Variants in RUBCN observed in about 807,000 individuals in gnomAD.
RUBCN encodes rubicon autophagy regulator.
In RUBCN, 74 loss-of-function variants were observed where a neutral mutation model predicts 113.2. The ratio of observed to expected loss-of-function variants is 0.65; its 90% CI spans 0.54 to 0.79. RUBCN has a LOEUF of 0.79. Among genes scored for constraint, RUBCN ranks in the 30% least tolerant of loss-of-function variants. The pLI is 0.00. For synonymous variants in RUBCN, 480 were observed against 490.0 expected (o/e 0.98, Z 0.27); for missense variants, 1,109 against 1,251.7 (o/e 0.89, Z 1.72).
chr3:197,675,216 G>T lies in RUBCN; in HGVS notation c.2741-20C>A. 1.2e-6 allele frequency: 2 copies of T among 1,613,708 alleles called. No homozygotes were observed. The highest frequency in any genetic ancestry group is 1.7e-6 in the Non-Finnish European group (2 of 1,179,722). On this transcript the variant is annotated intron_variant, in intron 19 of 19. Transcript: ENST00000296343. This position sits in a 1 kb window ranked among gnomAD's most constrained non-coding sequence, Gnocchi z 4.4. ...TACACTCTACTCAGGTTGGGAAGGT[G>T]GGGGAGAGAAGAAAACAATTTGTAT...
chr3:197,695,852 C>T lies in RUBCN; in HGVS notation c.1473+14G>A. The T allele has an allele frequency of 6.2e-7, 1 of 1,612,884 alleles. No individual in the cohort carries two copies. The highest frequency in any genetic ancestry group is 1.1e-5 in the South Asian group (1 of 91,048). ...CCAACTCATGAGCTCTTCATGAGGC[C>T]CTCGATTTCCCACCTTTTCCAGGTC... On this transcript the variant is annotated intron_variant, in intron 9 of 19. Transcript: ENST00000296343.
chr3:197,722,148 C>G (rs1726242287), intron 1 of RUBCN, among the ~76,000 whole-genome samples: 1 of 151,590 alleles, frequency 6.6e-6, no homozygotes, highest in South Asian at 2.1e-4. Context: ...GAGGCTGAGG[C>G]AGGAGAATTG....
chr3:197,700,352 G>A (rs1239095713), intron 7 of RUBCN: 5 of 555,740 alleles, frequency 9.0e-6, no homozygotes, highest in Non-Finnish European at 1.6e-5. Flanking sequence ...TATGAGTCAC[G>A]CTATCCTCTG....
chr3:197,748,863 CTAAAT>C (rs1229246686), intron 1 of RUBCN, among the ~76,000 whole-genome samples: 1 of 152,302 alleles, frequency 6.6e-6, no homozygotes, highest in East Asian at 1.9e-4. Context: ...TGTGACATGA[CTAAAT>C]TAAGCAAAGG....
chr3:197,727,910 C>T (rs1300027281), intron 1 of RUBCN, among the ~76,000 whole-genome samples: 4 of 152,194 alleles, frequency 2.6e-5, no homozygotes, highest in South Asian at 2.1e-4. Flanking sequence ...AGCAATGGCA[C>T]GGGAGGAAAG....
intron 11 of RUBCN, chr3:197,691,118 A>ATG: frequency 7.8e-7 from 1 of 1,289,494 alleles, no homozygotes; most frequent in South Asian, 1.2e-5. Flanking sequence ...GTTCTTTGAT[A>ATG]TGTGAGTCAG....
intron 1 of RUBCN, among the ~76,000 whole-genome samples, chr3:197,735,978 T>C (rs906838536): frequency 2.0e-5 from 3 of 152,180 alleles, no homozygotes; most frequent in Non-Finnish European, 2.9e-5. Context: ...TGAACTTGCT[T>C]AGTTTGCATT....
chr3:197,689,991 C>A (rs1722250867), intron 11 of RUBCN, among the ~76,000 whole-genome samples: 1 of 152,214 alleles, frequency 6.6e-6, no homozygotes. Context: ...AACTATCACT[C>A]TCTTCTCTAC....
exon 1 of RUBCN, chr3:197,749,493 G>A (rs1408606675): frequency 2.3e-6 from 3 of 1,285,434 alleles, no homozygotes; most frequent in Admixed American, 4.6e-5. Context: ...CTGGGATGCA[G>A]CTGCAATCTA....
chr3:197,677,293 GA>G (rs1203975896), intron 17 of RUBCN, among the ~76,000 whole-genome samples, 186 bp downstream of exon 17: 2 of 152,232 alleles, frequency 1.3e-5, no homozygotes, highest in Non-Finnish European at 2.9e-5. Context: ...TGGATGGAAT[GA>G]CCACAGATCC....
chr3:197,677,930 C>T (rs1189701319), intron 16 of RUBCN, among the ~76,000 whole-genome samples: 1 of 147,060 alleles, frequency 6.8e-6, no homozygotes, highest in Non-Finnish European at 1.5e-5. Flanking sequence ...TGACAACTGG[C>T]TTCAGACTGT....
rs1474906681 is a variant in RUBCN, at chr3:197,683,112, G to A, written c.1980+195C>T. ...TCACGTGAATAAGGACCGCGAACGC[G>A]CCGTCATCTCTGCTCTGACAAGGTG... On this transcript the variant is annotated intron_variant, in intron 13 of 19. Coordinates refer to ENST00000296343, the MANE Select transcript of RUBCN (RefSeq NM_014687.4). The surrounding 1 kb of genome is among the most constrained non-coding windows in gnomAD (Gnocchi z 4.6). 6.6e-6 allele frequency among the ~76,000 whole-genome samples: 1 copy of A among 152,208 alleles called. No homozygotes were observed. The highest frequency in any genetic ancestry group is 2.1e-4 in the South Asian group (1 of 4,828).
chr3:197,730,148 C>T (rs566905710), intron 1 of RUBCN, among the ~76,000 whole-genome samples: 3 of 152,220 alleles, frequency 2.0e-5, no homozygotes, highest in African/African-American at 7.2e-5. Context: ...TTTATATCTG[C>T]CCAGAATTTG....
intron 3 of RUBCN, 116 bp downstream of exon 3, chr3:197,704,976 G>A (rs973159788): frequency 3.6e-6 from 3 of 840,258 alleles, no homozygotes; most frequent in Non-Finnish European, 6.0e-6. Flanking sequence ...CCTTTCCTCA[G>A]CTGATAGGCA....
intron 1 of RUBCN, among the ~76,000 whole-genome samples, chr3:197,730,700 G>A (rs892075049): frequency 1.3e-5 from 2 of 151,664 alleles, no homozygotes; most frequent in African/African-American, 4.8e-5. Flanking sequence ...AGGTGGTGAG[G>A]ATGTGGGGGT....
chr3:197,669,131 T>C lies in RUBCN; in HGVS notation c.*5887A>G, dbSNP rs995917922. On this transcript the variant is annotated 3_prime_UTR_variant, in exon 20 of 20. Transcript: ENST00000296343. ...GCAAAGATAGTACAAATTCGTCACA[T>C]AGCCCTCACCCGATTTCAGCTCTCC... is the stretch of plus-strand genomic sequence containing the variant. 1.3e-5 allele frequency among the ~76,000 whole-genome samples: 2 copies of C among 152,232 alleles called. No individual in the cohort carries two copies. The highest frequency in any genetic ancestry group is 1.9e-4 in the East Asian group (1 of 5,204).
intron 11 of RUBCN, among the ~76,000 whole-genome samples, chr3:197,691,547 C>T (rs9813414): frequency 0.01 from 1,562 of 152,238 alleles, 19 homozygotes; most frequent in African/African-American, 0.036. Context: ...TGGGAAACCC[C>T]GGCCTAAGGT....
chr3:197,716,109 C>A (rs1725481845), intron 2 of RUBCN, among the ~76,000 whole-genome samples: 2 of 152,178 alleles, frequency 1.3e-5, no homozygotes, highest in Non-Finnish European at 2.9e-5. Flanking sequence ...TGTCACTGAG[C>A]ACATGGAGTT....
chr3:197,717,390 G>A (rs1170725878), intron 2 of RUBCN, among the ~76,000 whole-genome samples: 1 of 150,484 alleles, frequency 6.6e-6, no homozygotes, highest in Non-Finnish European at 1.5e-5. Context: ...CTTGCAGTGA[G>A]CCAAGATCGC....
Sources: gnomAD v4.1 joint callset for allele counts (sites outside exome capture counted in the v4.1 genomes callset) on GRCh38, gnomAD v4.1.1 for gene constraint, Gnocchi (gnomAD v3.1) non-coding constraint, MANE v1.5 for transcripts, NCBI Gene and HGNC (gene_info 2026-07-23, HGNC 2026-07-21) for gene names.